EPM2A: variants seen among roughly 807,000 people sequenced by gnomAD.
EPM2A encodes laforin.
Under a neutral mutation model 26.5 loss-of-function variants are expected in EPM2A, and 21 were observed. The ratio of observed to expected loss-of-function variants is 0.79; its 90% CI spans 0.56 to 1.14. EPM2A has a LOEUF of 1.14. Ranked by LOEUF, EPM2A falls within the 50% of genes most tolerant of loss-of-function variation. The pLI, the probability that EPM2A is intolerant of heterozygous loss-of-function variation, is 0.00. For missense variants in EPM2A, 458 were observed against 440.8 expected (o/e 1.04, Z -0.35); for synonymous variants, 217 against 177.6 (o/e 1.22, Z -1.76).
intron 4 of EPM2A, among the ~76,000 whole-genome samples, chr6:145,419,197 T>A (rs1334265878): frequency 8.3e-6 from 1 of 121,116 alleles, no homozygotes; most frequent in Non-Finnish European, 1.9e-5. Context: ...CCCCCGCTCC[T>A]TTCCCCAGCA....
At chr6:145,412,524 A>G (rs1176306081) in intron 4 of EPM2A, among the ~76,000 whole-genome samples, 1 of 152,186 alleles carries the variant, frequency 6.6e-6, no homozygotes, top group Non-Finnish European at 1.5e-5. Flanking sequence ...TGTAGAATTA[A>G]TTTTCCCTTT....
intron 2 of EPM2A, among the ~76,000 whole-genome samples, chr6:145,539,245 C>T (rs1780474518): frequency 6.6e-6 from 1 of 152,206 alleles, no homozygotes; most frequent in African/African-American, 2.4e-5. Context: ...GTCACTTCAA[C>T]TTTGTGGTTA....
chr6:145,656,512 A>G (rs941865066), intron 2 of EPM2A, among the ~76,000 whole-genome samples: 1 of 152,240 alleles, frequency 6.6e-6, no homozygotes, highest in Non-Finnish European at 1.5e-5. Context: ...TTTAATATCG[A>G]GTAAGCAAAG....
chr6:145,556,107 C>T (rs1376121583), intron 2 of EPM2A, among the ~76,000 whole-genome samples: 2 of 152,108 alleles, frequency 1.3e-5, no homozygotes, highest in African/African-American at 4.8e-5. Context: ...AAATAAAAAA[C>T]AACACATTTT....
intron 2 of EPM2A, among the ~76,000 whole-genome samples, chr6:145,598,925 G>T (rs561707723): frequency 1.3e-5 from 2 of 152,238 alleles, no homozygotes; most frequent in South Asian, 4.1e-4. Flanking sequence ...TAGGTGTGCA[G>T]CCTTACTTCT....
chr6:145,628,496 T>A (rs1775998432), intron 3 of EPM2A: 4 of 152,272 alleles, frequency 2.6e-5, no homozygotes, highest in South Asian at 2.1e-4. Context: ...CCTGGATGCC[T>A]GAAGTTTCTC....
At chr6:145,557,401 A>G (rs1435915096) in intron 2 of EPM2A, among the ~76,000 whole-genome samples, 1 of 152,124 alleles carries the variant, frequency 6.6e-6, no homozygotes, top group African/African-American at 2.4e-5. Context: ...ATCCATAAAA[A>G]TAAAAATGGA....
chr6:145,443,049 T>TG (rs1562336521), intron 4 of EPM2A, among the ~76,000 whole-genome samples: 3 of 150,486 alleles, frequency 2.0e-5, no homozygotes, highest in African/African-American at 7.5e-5. Flanking sequence ...GTGTGTGTGT[T>TG]TTTAGTAGAG....
chr6:145,735,593 T>C (rs1776833713), upstream of EPM2A: 19 of 1,083,152 alleles, frequency 1.8e-5, no homozygotes, highest in Admixed American at 2.1e-4. Flanking sequence ...TGGGCGGTGG[T>C]GTGGGAGCCC....
chr6:145,556,141 G>T (rs1191408362), intron 2 of EPM2A, among the ~76,000 whole-genome samples: 2 of 152,122 alleles, frequency 1.3e-5, no homozygotes, highest in Non-Finnish European at 2.9e-5. Flanking sequence ...TTTGTCCCAT[G>T]ACTGTATTTT....
rs759339328 is a variant in EPM2A at position 145,735,331 on chromosome 6, C to T, written c.168G>A (p.Glu56=). ...AAGDGALALQ[E]PGLWLGEVEL... ...CCACCTCCCCGAGCCACAGGCCCGGCTCCTGCAGGGCCAGGGCCCCGTCGC... is the reference window on the plus strand; with the variant it reads ...CCACCTCCCCGAGCCACAGGCCCGGTTCCTGCAGGGCCAGGGCCCCGTCGC... The change falls in exon 1 of 4, where the codon GAG becomes GAA. Residue 56 remains glutamate (E), a synonymous_variant. Transcript: ENST00000367519. The T allele has an allele frequency of 9.2e-6, 13 of 1,420,172 alleles. No homozygotes were observed. In the South Asian group the frequency reaches 1.6e-4, roughly 18 times the overall value. 88.0% of individuals were successfully genotyped at this position (1,420,172 alleles called of 1,614,324 possible).
chr6:145,543,181 G>T (rs927312645), intron 2 of EPM2A, among the ~76,000 whole-genome samples: 2 of 152,058 alleles, frequency 1.3e-5, no homozygotes, highest in Admixed American at 1.3e-4. Context: ...CCTTAAAAAA[G>T]ATATAAACAG....
At chr6:145,635,600 A>C (rs1367549598) in intron 2 of EPM2A, 114 bp from the exon 3 acceptor site, 1 of 1,022,826 alleles carries the variant, frequency 9.8e-7, no homozygotes, top group African/African-American at 1.6e-5. Flanking sequence ...CTGGCACAGG[A>C]AAAGCTAGAT....
chr6:145,693,547 G>A (rs1330243032), intron 1 of EPM2A, among the ~76,000 whole-genome samples: 1 of 151,912 alleles, frequency 6.6e-6, no homozygotes. Context: ...AGGAAGAGGT[G>A]AGGGATGAAA....
intron 2 of EPM2A, among the ~76,000 whole-genome samples, chr6:145,586,544 T>C (rs1781198292): frequency 6.6e-6 from 1 of 152,196 alleles, no homozygotes; most frequent in Non-Finnish European, 1.5e-5. Context: ...ATTGAATCTA[T>C]AGCCAAGGTA....
intron 3 of EPM2A, 106 bp downstream of exon 3, chr6:145,635,139 T>G (rs1256921618): frequency 2.3e-6 from 3 of 1,279,680 alleles, no homozygotes; most frequent in Admixed American, 1.7e-5. Flanking sequence ...TTATATTTAT[T>G]CCATTTCTAC....
chr6:145,620,941 T>G (rs1420394916), downstream of EPM2A, among the ~76,000 whole-genome samples: 2 of 152,214 alleles, frequency 1.3e-5, no homozygotes, highest in Non-Finnish European at 2.9e-5. Context: ...ACCTCCCTTT[T>G]TTATGGTGAG....
rs1335914126 is a variant in EPM2A, at chr6:145,412,188, G to C, written c.556-28091C>G. On this transcript the variant is annotated intron_variant, in intron 4 of 4. Transcript: ENST00000638717. Reference sequence around the variant, plus strand: ...GCCAAGATTGCGCCATTGCACTCTAGCCTGGGCGACACTGAGACTCTGTCT... The same window carrying C: ...GCCAAGATTGCGCCATTGCACTCTACCCTGGGCGACACTGAGACTCTGTCT... Among the ~76,000 whole-genome samples, 3 of 142,930 alleles carry C rather than the reference G, an allele frequency of 2.1e-5. No individual in the cohort carries two copies. The Admixed American group carries it at 2.2e-4, about 11-fold the overall frequency. The allele number at this position is 142,930 out of a possible 152,430, so 93.8% of individuals were successfully genotyped here.
intron 2 of EPM2A, among the ~76,000 whole-genome samples, chr6:145,678,354 A>T (rs1351655890): frequency 4.6e-5 from 7 of 152,198 alleles, no homozygotes; most frequent in African/African-American, 7.2e-5. Flanking sequence ...GGACTTAATG[A>T]TGAAAACACC....
Sources: gnomAD v4.1 joint callset for allele counts (sites outside exome capture counted in the v4.1 genomes callset) on GRCh38, gnomAD v4.1.1 for gene constraint, MANE v1.5 for transcripts, NCBI Gene and HGNC (gene_info 2026-07-23, HGNC 2026-07-21) for gene names.